DAO: variants seen among roughly 807,000 people sequenced by gnomAD.
DAO encodes D-amino acid oxidase, also known as D-amino-acid oxidase.
DAO carries 51 observed loss-of-function variants against 50.1 expected under a neutral mutation model. The ratio of observed to expected loss-of-function variants is 1.02; its 90% CI spans 0.81 to 1.29. The LOEUF is 1.29. Among genes scored for constraint, DAO ranks in the 50% most tolerant of loss-of-function variants. The pLI is 0.00. For missense variants in DAO, 436 were observed against 439.4 expected (o/e 0.99, Z 0.07); for synonymous variants, 160 against 166.2 (o/e 0.96, Z 0.29).
At chr12:108,898,603 G>A (rs1405325260) in intron 8 of DAO, 76 bp from the exon 9 acceptor site, 1 of 986,092 alleles carries the variant, frequency 1.0e-6, no homozygotes, top group Non-Finnish European at 1.6e-6. Context: ...GAGGTGACAA[G>A]GTTGATGGTA....
intron 1 of DAO, among the ~76,000 whole-genome samples, chr12:108,882,869 C>T (rs4964767): frequency 0.29 from 43,333 of 151,936 alleles, 7,828 homozygotes; most frequent in African/African-American, 0.47. Context: ...GTCAAGCGGG[C>T]GGGTGCAGTG....
chr12:108,897,089 G>A lies in DAO; in HGVS notation c.695+1G>A. 2 of 1,611,372 alleles carry A rather than the reference G, an allele frequency of 1.2e-6. No individual in the cohort carries two copies. Among genetic ancestry groups the A allele is most frequent in the Non-Finnish European group, 1.7e-6 (2 of 1,177,592 alleles). On this transcript the variant is annotated splice_donor_variant, in intron 8 of 10. Transcript: ENST00000228476. LOFTEE classifies it high-confidence loss of function. Reference sequence around the variant, plus strand: ...ACAATTCCCCGTACATCATCCCAGGGTAAAATTGGACTGTTCTCGGGCAGA... The same window carrying A: ...ACAATTCCCCGTACATCATCCCAGGATAAAATTGGACTGTTCTCGGGCAGA...
In DAO at chr12:108,889,513, C is replaced by T. The variant is rs771494428; in HGVS notation, c.354C>T (p.Thr118=). The change falls in exon 4 of 11, where the codon ACC becomes ACT. Residue 118 remains threonine (T), a synonymous_variant. Transcript: ENST00000228476. ...CAGTTCTGGGATTTCGGAAGCTGAC[C>T]CCCAGAGAGCTGGATATGTTCCCAG... ...KDTVLGFRKL[T]PRELDMFPDY... 6 of 1,613,152 alleles carry T rather than the reference C, an allele frequency of 3.7e-6. No homozygotes were observed. The East Asian group carries it at 1.3e-4, about 36-fold the overall frequency.
intron 1 of DAO, chr12:108,883,578 A>T: frequency 2.2e-6 from 1 of 455,554 alleles, no homozygotes; most frequent in Non-Finnish European, 4.4e-6. Context: ...CTTTTGCTAA[A>T]CTTCTTATTT....
At chr12:108,885,615 TAA>T (rs1422649438) in intron 2 of DAO, among the ~76,000 whole-genome samples, 1 of 151,988 alleles carries the variant, frequency 6.6e-6, no homozygotes, top group Non-Finnish European at 1.5e-5. Context: ...AAGAAAAAAA[TAA>T]AGAAAAGATT....
chr12:108,890,264 T>A lies in DAO; in HGVS notation c.443T>A (p.Leu148Gln), dbSNP rs1260366268. Residue 148 changes from leucine (L) to glutamine (Q), a missense_variant, in exon 5 of 11, where the codon CTG (leucine) becomes CAG (glutamine). Transcript: ENST00000228476. ...GAGGGAAAGAACTATCTACAGTGGC[T>A]GACTGAAAGGTGAGATTTTAAGCTT... Reference protein sequence around the residue: ...ILEGKNYLQWLTERLTERGVK... With the variant: ...ILEGKNYLQWQTERLTERGVK... 1 of 1,613,352 alleles carries A rather than the reference T, an allele frequency of 6.2e-7. No homozygotes were observed. Among genetic ancestry groups the A allele is most frequent in the Non-Finnish European group, 8.5e-7 (1 of 1,179,276 alleles).
At chr12:108,888,861 A>C (rs955928101) in intron 3 of DAO, among the ~76,000 whole-genome samples, 2 of 152,150 alleles carry the variant, frequency 1.3e-5, no homozygotes, top group Non-Finnish European at 2.9e-5. Context: ...TACCATAAAT[A>C]GGGGTTAAGA....
At chr12:108,881,607 T>TTTC (rs2039381674) in intron 1 of DAO, among the ~76,000 whole-genome samples, 1 of 85,626 alleles carries the variant, frequency 1.2e-5, no homozygotes, top group South Asian at 5.0e-4. Flanking sequence ...TTAAATTTTT[T>TTTC]TTTTTTTTTT....
intron 4 of DAO, among the ~76,000 whole-genome samples, chr12:108,889,785 T>G (rs755019273): frequency 7.2e-5 from 11 of 152,124 alleles, no homozygotes; most frequent in Non-Finnish European, 1.6e-4. Context: ...ATCACCATAT[T>G]GTTTTGTAGA....
At chr12:108,886,741 T>TG (rs2039439769) in intron 2 of DAO, among the ~76,000 whole-genome samples, 2 of 152,196 alleles carry the variant, frequency 1.3e-5, no homozygotes, top group African/African-American at 2.4e-5. Flanking sequence ...GCTGGGATTA[T>TG]AGGCATGAGC....
intron 8 of DAO, 30 bp downstream of exon 8, chr12:108,897,118 G>C (rs773123069): frequency 6.5e-7 from 1 of 1,540,992 alleles, no homozygotes; most frequent in Non-Finnish European, 9.0e-7. Flanking sequence ...GGGCAGAAGA[G>C]TGGTCCCCTT....
chr12:108,888,521 A>G (rs2039457938), intron 3 of DAO, among the ~76,000 whole-genome samples: 1 of 151,886 alleles, frequency 6.6e-6, no homozygotes, highest in Non-Finnish European at 1.5e-5. Context: ...TTTTTAAGAG[A>G]TGGGGTTTCA....
intron 1 of DAO, among the ~76,000 whole-genome samples, chr12:108,882,395 C>G (rs968733667): frequency 1.3e-5 from 2 of 152,132 alleles, no homozygotes; most frequent in African/African-American, 4.8e-5. Flanking sequence ...TGCCTGTAAT[C>G]CCAGCTACTC....
At chr12:108,891,042 C>T (rs2137351566) in intron 5 of DAO, among the ~76,000 whole-genome samples, 2 of 152,282 alleles carry the variant, frequency 1.3e-5, no homozygotes, top group Middle Eastern at 6.8e-3. Flanking sequence ...AGGATGGTCT[C>T]AATCTCCTGA....
At chr12:108,899,556 G>A in intron 10 of DAO, 81 bp downstream of exon 10, 1 of 1,214,382 alleles carries the variant, frequency 8.2e-7, no homozygotes, top group Non-Finnish European at 1.2e-6. Context: ...AGTCATGTCT[G>A]ATCTCAAGTT....
chr12:108,891,465 G>T (rs949213217), intron 5 of DAO, among the ~76,000 whole-genome samples: 2 of 146,156 alleles, frequency 1.4e-5, no homozygotes, highest in East Asian at 4.1e-4. Context: ...AAAAAAAAAA[G>T]ATTAAAAAAA....
In DAO at chr12:108,898,809, G is replaced by A. The variant is rs1440888872; in HGVS notation, c.813+13G>A. 6.3e-7 allele frequency: 1 copy of A among 1,588,890 alleles called. No individual in the cohort carries two copies. Among genetic ancestry groups the A allele is most frequent in the Non-Finnish European group, 8.6e-7 (1 of 1,157,172 alleles). ...GCCCACACTGAAGGTAAGGTAGGGA[G>A]GAGTAGCAGTGCCCTAAACCAAGGT... is the stretch of plus-strand genomic sequence containing the variant. On this transcript the variant is annotated intron_variant, in intron 9 of 10. Coordinates refer to ENST00000228476, the MANE Select transcript of DAO (RefSeq NM_001917.5).
intron 10 of DAO, 32 bp from the exon 11 acceptor site, chr12:108,900,372 G>A (rs1378911995): frequency 6.2e-7 from 1 of 1,612,580 alleles, no homozygotes; most frequent in African/African-American, 1.3e-5. Context: ...GTCCCTCTCG[G>A]ACCTGGCCAC....
At chr12:108,887,116 C>T (rs2039443995) in intron 2 of DAO, among the ~76,000 whole-genome samples, 1 of 152,170 alleles carries the variant, frequency 6.6e-6, no homozygotes, top group Non-Finnish European at 1.5e-5. Context: ...TGCAGCCAGA[C>T]TGAACAGTGT....
Sources: gnomAD v4.1 joint callset for allele counts (sites outside exome capture counted in the v4.1 genomes callset) on GRCh38, gnomAD v4.1.1 for gene constraint, MANE v1.5 for transcripts, NCBI Gene and HGNC (gene_info 2026-07-23, HGNC 2026-07-21) for gene names.